The following MGAT4C variants were observed in gnomAD, a reference collection of about 807,000 sequenced individuals.
MGAT4C encodes the protein alpha-1,3-mannosyl-glycoprotein 4-beta-N-acetylglucosaminyltransferase C.
Under a neutral mutation model 40.1 loss-of-function variants are expected in MGAT4C, and 19 were observed. The observed-to-expected ratio is 0.47, with a 90% CI of 0.33 to 0.70. The LOEUF (loss-of-function observed/expected upper bound fraction) is 0.70. Ranked by LOEUF, MGAT4C falls within the 30% of genes least tolerant of loss-of-function variation. The pLI is 0.02. For missense variants in MGAT4C, 491 were observed against 563.2 expected, an observed-to-expected ratio of 0.87 and a Z score of 1.30; for synonymous variants, 181 against 187.1, an observed-to-expected ratio of 0.97 and a Z score of 0.27.
chr12:86,046,889 T>C (rs1892448870), intron 2 of MGAT4C, among the ~76,000 whole-genome samples: 1 of 152,184 alleles, frequency 6.6e-6, no homozygotes, highest in Non-Finnish European at 1.5e-5. Context: ...CGAAAGAAAT[T>C]AGCGAAAATA....
chr12:86,360,609 C>T (rs180868492), intron 3 of MGAT4C, among the ~76,000 whole-genome samples: 66 of 152,310 alleles, frequency 4.3e-4, no homozygotes, highest in African/African-American at 1.4e-3. Context: ...ACCCAAATCT[C>T]CTTAAGCTGA....
chr12:86,025,397 G>T (rs1890157178), intron 2 of MGAT4C, among the ~76,000 whole-genome samples: 1 of 151,590 alleles, frequency 6.6e-6, no homozygotes, highest in African/African-American at 2.4e-5. Flanking sequence ...AAACTAAAAT[G>T]AAAGAATTAC....
intron 2 of MGAT4C, among the ~76,000 whole-genome samples, chr12:86,645,783 T>C (rs1349445143): frequency 1.3e-5 from 2 of 151,772 alleles, no homozygotes; most frequent in African/African-American, 4.8e-5. Context: ...AAGTAGAATG[T>C]AACCACACCA....
At chr12:86,677,121 C>A (rs1262928276) in intron 2 of MGAT4C, among the ~76,000 whole-genome samples, 1 of 152,052 alleles carries the variant, frequency 6.6e-6, no homozygotes, top group Non-Finnish European at 1.5e-5. Context: ...TCCCTACATG[C>A]ACCTAGTTGC....
At chr12:86,372,273 C>T (rs1297262669) in intron 3 of MGAT4C, among the ~76,000 whole-genome samples, 2 of 151,740 alleles carry the variant, frequency 1.3e-5, no homozygotes, top group African/African-American at 4.8e-5. Flanking sequence ...ATATTATGAG[C>T]TGCAAACCTA....
intron 4 of MGAT4C, among the ~76,000 whole-genome samples, chr12:86,272,932 G>A (rs1358205440): frequency 6.6e-6 from 1 of 152,102 alleles, no homozygotes; most frequent in African/African-American, 2.4e-5. Context: ...CTGATGTTAG[G>A]TTTGCCTGAC....
At chr12:86,421,303 T>C (rs1435755911) in intron 3 of MGAT4C, among the ~76,000 whole-genome samples, 1 of 152,182 alleles carries the variant, frequency 6.6e-6, no homozygotes, top group Non-Finnish European at 1.5e-5. Flanking sequence ...AAAGTGACAT[T>C]TAGATTTCCA....
chr12:86,443,951 A>G (rs1394925819), intron 2 of MGAT4C, among the ~76,000 whole-genome samples: 1 of 152,148 alleles, frequency 6.6e-6, no homozygotes, highest in African/African-American at 2.4e-5. Flanking sequence ...AATTCTTCTT[A>G]TTCATATAAG....
intron 1 of MGAT4C, among the ~76,000 whole-genome samples, chr12:86,774,143 C>T (rs948681897): frequency 6.6e-6 from 1 of 150,954 alleles, no homozygotes; most frequent in Non-Finnish European, 1.5e-5. Context: ...TAGTAAACAT[C>T]GGATTTCACT....
At chr12:86,216,581 T>A (rs539978489) in intron 1 of MGAT4C, among the ~76,000 whole-genome samples, 64 of 152,368 alleles carry the variant, frequency 4.2e-4, no homozygotes, top group Admixed American at 2.8e-3. Context: ...TATTTATGTA[T>A]GTCACTATGT....
intron 1 of MGAT4C, among the ~76,000 whole-genome samples, chr12:86,797,237 A>G (rs1952140220): frequency 6.6e-6 from 1 of 151,872 alleles, no homozygotes; most frequent in Admixed American, 6.6e-5. Context: ...GTCATAAGCA[A>G]TTTCAAGCGC....
chr12:86,647,955 T>C (rs1271366542), intron 2 of MGAT4C, among the ~76,000 whole-genome samples: 1 of 151,928 alleles, frequency 6.6e-6, no homozygotes, highest in Non-Finnish European at 1.5e-5. Context: ...TTGTTTTTCG[T>C]CCATTGCCAG....
Position 86,308,843 on chromosome 12 carries a change from G to A in MGAT4C, c.-57+25222C>T, listed in dbSNP as rs544911989. Among the ~76,000 whole-genome samples the A allele has an allele frequency of 2.9e-4, 44 of 150,580 alleles. 1 individual carries two copies. The East Asian group carries it at 8.2e-3, about 28-fold the overall frequency. ...ATGTTTACAAAAATTTTTGATGTCA[G>A]ATTGTGATCTCTGTTCTATAGATTT... is the stretch of plus-strand genomic sequence containing the variant. On this transcript the variant is annotated intron_variant, in intron 4 of 7. Coordinates refer to the MGAT4C transcript ENST00000548651.
intron 1 of MGAT4C, among the ~76,000 whole-genome samples, chr12:86,790,302 C>T (rs1465039535): frequency 2.0e-5 from 3 of 152,060 alleles, no homozygotes; most frequent in Non-Finnish European, 4.4e-5. Flanking sequence ...GAGTCTATTA[C>T]TTTGATGAAT....
chr12:86,364,413 G>A (rs1490561423), intron 3 of MGAT4C, among the ~76,000 whole-genome samples: 2 of 151,950 alleles, frequency 1.3e-5, no homozygotes, highest in Non-Finnish European at 2.9e-5. Flanking sequence ...TTTCTTCCAG[G>A]ATTTTTAGAG....
chr12:85,987,070 C>T (rs1337513986), intron 3 of MGAT4C, among the ~76,000 whole-genome samples: 1 of 136,672 alleles, frequency 7.3e-6, no homozygotes, highest in Non-Finnish European at 1.6e-5. Context: ...TTAGCAATTG[C>T]TTTAACTCAT....
Position 85,980,834 on chromosome 12 carries a change from T to G in MGAT4C, c.296-404A>C, listed in dbSNP as rs1884506396. Among the ~76,000 whole-genome samples, 4 of 152,192 alleles carry G rather than the reference T, an allele frequency of 2.6e-5. No individual in the cohort carries two copies. The South Asian group carries it at 8.3e-4, about 32-fold the overall frequency. The stretch of plus-strand genomic sequence containing the variant: ...GATAAAGTAAAAAAAATGCTTTTTC[T>G]CTTTTGCAAAAAGAGAAGGGCATTC... On this transcript the variant is annotated intron_variant, in intron 4 of 4. Transcript: ENST00000611864.
chr12:85,959,803 G>A lies in MGAT4C; in HGVS notation c.*19486C>T, dbSNP rs1226696332. The A allele has an allele frequency of 6.8e-6, 1 of 147,306 alleles. No individual in the cohort carries two copies. Among genetic ancestry groups the A allele is most frequent in the African/African-American group, 2.5e-5 (1 of 39,874 alleles). 9.1% of individuals were successfully genotyped at this position (147,306 alleles called of 1,614,324 possible). ...TTTTTATGTTAACTGAATCAATTTT[G>A]GCTTTGTTTCTTTATGAAATTACTT... is the stretch of plus-strand genomic sequence containing the variant. On this transcript the variant is annotated 3_prime_UTR_variant, in exon 5 of 5. Coordinates refer to ENST00000611864, the MANE Select transcript of MGAT4C (RefSeq NM_001351288.2).
At chr12:86,467,403 G>A (rs945637924) in intron 2 of MGAT4C, among the ~76,000 whole-genome samples, 7 of 152,106 alleles carry the variant, frequency 4.6e-5, no homozygotes, top group African/African-American at 1.7e-4. Flanking sequence ...GTCCACGTTA[G>A]CATTTGAGAA....
Sources: allele counts gnomAD v4.1 joint callset (sites outside exome capture counted in the v4.1 genomes callset), GRCh38; gene constraint gnomAD v4.1.1; transcripts MANE v1.5; gene names NCBI Gene and HGNC (gene_info 2026-07-23, HGNC 2026-07-21).